The following ARHGEF10L variants were observed in gnomAD, a reference collection of about 807,000 sequenced individuals.
ARHGEF10L encodes the protein Rho guanine nucleotide exchange factor 10 like.
A neutral mutation model predicts 141.2 loss-of-function variants in ARHGEF10L; 69 were observed. The observed-to-expected ratio is 0.49, with a 90% CI of 0.40 to 0.60. ARHGEF10L has a LOEUF of 0.60. ARHGEF10L is among the 20% of genes least tolerant of loss of function. ARHGEF10L has a pLI of 0.00. For synonymous variants in ARHGEF10L, 711 were observed against 718.5 expected, an observed-to-expected ratio of 0.99 and a Z score of 0.17; for missense variants, 1,482 against 1,734.3, an observed-to-expected ratio of 0.85 and a Z score of 2.58.
rs2060009895 is a variant in ARHGEF10L at position 17,619,843 on chromosome 1, C to G, written c.942+398C>G. On this transcript the variant is annotated intron_variant, in intron 10 of 28. Coordinates refer to ENST00000361221, the MANE Select transcript of ARHGEF10L (RefSeq NM_018125.4). This position sits in a 1 kb window ranked among gnomAD's most constrained non-coding sequence, Gnocchi z 5.0. ...CTGCCATCTGTCCACCTGTCCTCACCCTGGGCCTCAGAGCTGCCACAAGCT... is the reference window on the plus strand; with the variant it reads ...CTGCCATCTGTCCACCTGTCCTCACGCTGGGCCTCAGAGCTGCCACAAGCT... 6.6e-6 allele frequency among the ~76,000 whole-genome samples: 1 copy of G among 151,996 alleles called. No homozygotes were observed. Among genetic ancestry groups the G allele is most frequent in the Non-Finnish European group, 1.5e-5 (1 of 68,002 alleles).
intron 7 of ARHGEF10L, among the ~76,000 whole-genome samples, chr1:17,610,075 C>A (rs537923107): frequency 6.6e-6 from 1 of 152,294 alleles, no homozygotes; most frequent in East Asian, 1.9e-4. Context: ...GGAAACCATG[C>A]GTGTCTCTCA....
chr1:17,589,099 C>T (rs895347017), intron 4 of ARHGEF10L, among the ~76,000 whole-genome samples: 2 of 152,056 alleles, frequency 1.3e-5, no homozygotes, highest in South Asian at 2.1e-4. Flanking sequence ...TGAGGGCCTG[C>T]GTCTTGGCTG....
intron 21 of ARHGEF10L, among the ~76,000 whole-genome samples, chr1:17,645,963 C>T (rs928960748): frequency 2.2e-4 from 34 of 152,174 alleles, no homozygotes; most frequent in African/African-American, 8.0e-4. Context: ...CTGAGGGTCT[C>T]TTATGTAGGC....
upstream of ARHGEF10L, among the ~76,000 whole-genome samples, chr1:17,537,545 A>C (rs995120887): frequency 5.3e-5 from 8 of 152,128 alleles, no homozygotes; most frequent in African/African-American, 1.9e-4. Flanking sequence ...ACTAGGTGCT[A>C]TAGAGCTCAG....
At chr1:17,653,937 T>G (rs896570258) in intron 22 of ARHGEF10L, among the ~76,000 whole-genome samples, 3 of 152,192 alleles carry the variant, frequency 2.0e-5, no homozygotes, top group Non-Finnish European at 4.4e-5. Context: ...GCTGGGGCCT[T>G]TAGCACCAGC....
intron 26 of ARHGEF10L, among the ~76,000 whole-genome samples, chr1:17,669,209 A>C (rs1350495294): frequency 6.6e-6 from 1 of 152,192 alleles, no homozygotes; most frequent in East Asian, 1.9e-4. Flanking sequence ...GCTCCAAGCC[A>C]GGAGACCCAG....
At chr1:17,684,101 A>G (rs1569645025) in intron 26 of ARHGEF10L, among the ~76,000 whole-genome samples, 1 of 152,096 alleles carries the variant, frequency 6.6e-6, no homozygotes, top group Non-Finnish European at 1.5e-5. Context: ...CTGTCCTGCT[A>G]CCCCATCCAT....
chr1:17,514,652 AAATCATCTGGGAATTTTC>A, the ARHGEF10L span, among the ~76,000 whole-genome samples: 1 of 152,194 alleles, frequency 6.6e-6, no homozygotes, highest in African/African-American at 2.4e-5. Flanking sequence ...CACTCTGATG[AAATCATCTGGGAATTTTC>A]AATCAGAAGA....
chr1:17,561,067 C>T (rs1275876801), intron 1 of ARHGEF10L, among the ~76,000 whole-genome samples: 1 of 152,218 alleles, frequency 6.6e-6, no homozygotes, highest in Non-Finnish European at 1.5e-5. Flanking sequence ...TTGGGGCTCC[C>T]TCCAAAGATG....
At position 17,558,855 on chromosome 1, in the gene ARHGEF10L, A is replaced by C. The variant is rs1242112190; in HGVS notation, c.-44+18905A>C. On this transcript the variant is annotated intron_variant, in intron 1 of 28. Transcript: ENST00000361221. This position sits in a 1 kb window ranked among gnomAD's most constrained non-coding sequence, Gnocchi z 4.2. ...CAGGCAGGGGACAACACTGTGCCAC[A>C]GGCTCCCTGGGCTGGGCAGGGAGAA... Among the ~76,000 whole-genome samples the C allele has an allele frequency of 6.6e-6, 1 of 152,210 alleles. No individual in the cohort carries two copies. Among genetic ancestry groups the C allele is most frequent in the Non-Finnish European group, 1.5e-5 (1 of 68,040 alleles).
At chr1:17,662,424 G>A (rs753800157) in intron 25 of ARHGEF10L, among the ~76,000 whole-genome samples, 2 of 152,198 alleles carry the variant, frequency 1.3e-5, no homozygotes, top group African/African-American at 4.8e-5. Context: ...CGAAGCCCCC[G>A]TCCAAGTTCA....
At chr1:17,557,697 C>CT in intron 1 of ARHGEF10L, among the ~76,000 whole-genome samples, 1 of 152,218 alleles carries the variant, frequency 6.6e-6, no homozygotes, top group Non-Finnish European at 1.5e-5. Context: ...ATGGAATGGC[C>CT]TAGGCCCAGG....
intron 15 of ARHGEF10L, among the ~76,000 whole-genome samples, chr1:17,629,574 T>C (rs2060567472): frequency 6.6e-6 from 1 of 152,090 alleles, no homozygotes; most frequent in Admixed American, 6.5e-5. Flanking sequence ...TCCAGGAGGA[T>C]TGGGCTGGGG....
intron 1 of ARHGEF10L, among the ~76,000 whole-genome samples, chr1:17,550,053 G>A (rs2077054658): frequency 6.6e-6 from 1 of 152,194 alleles, no homozygotes; most frequent in Non-Finnish European, 1.5e-5. Context: ...GGGTGGAGGG[G>A]TGGAGCTGGG....
rs114120776 is a variant in ARHGEF10L, at chr1:17,625,982, T to C, written c.1344T>C (p.Arg448=). 7,371 of 1,613,914 alleles carry C rather than the reference T, an allele frequency of 4.6e-3. 282 individuals carry two copies. In the African/African-American group the frequency reaches 0.084, roughly 18 times the overall value. ...GACGGCAGGTGTGCAGCCCAGACCG[T>C]GTCACCCTCTACGGGCTGATGGTCA... ...LKRRQVCSPD[R]VTLYGLMVKP... The change falls in exon 14 of 29, where the codon CGT becomes CGC. Residue 448 remains arginine, a synonymous_variant. Transcript: ENST00000361221. This position sits in a 1 kb window ranked among gnomAD's most constrained non-coding sequence, Gnocchi z 4.5.
chr1:17,548,010 C>T (rs937659008), intron 1 of ARHGEF10L, among the ~76,000 whole-genome samples: 6 of 152,108 alleles, frequency 3.9e-5, no homozygotes, highest in Non-Finnish European at 8.8e-5. Flanking sequence ...CTTCTCTTAT[C>T]TGTTTTCTCA....
upstream of ARHGEF10L, among the ~76,000 whole-genome samples, chr1:17,539,399 G>C (rs965145572): frequency 6.6e-6 from 1 of 152,188 alleles, no homozygotes; most frequent in Admixed American, 6.5e-5. The surrounding 1 kb of genome is among the most constrained non-coding windows in gnomAD (Gnocchi z 6.0). Flanking sequence ...GCGGAGAACC[G>C]GGGAAGGAGA....
the ARHGEF10L span, among the ~76,000 whole-genome samples, chr1:17,526,012 A>G: frequency 6.6e-6 from 1 of 151,664 alleles, no homozygotes; most frequent in Non-Finnish European, 1.5e-5. Flanking sequence ...AAAAAAAAAA[A>G]AAAAAAGAAA....
chr1:17,689,996 G>A (rs13375581), intron 27 of ARHGEF10L: 49,877 of 358,512 alleles, frequency 0.14, 3,774 homozygotes, highest in Non-Finnish European at 0.16. Context: ...ACCCTTTAAG[G>A]AAGGAAGGGC....
Sources: gnomAD v4.1 joint callset for allele counts (sites outside exome capture counted in the v4.1 genomes callset) on GRCh38, gnomAD v4.1.1 for gene constraint, Gnocchi (gnomAD v3.1) non-coding constraint, MANE v1.5 for transcripts, NCBI Gene and HGNC (gene_info 2026-07-23, HGNC 2026-07-21) for gene names.